Variants in RFX4 observed in about 807,000 individuals in gnomAD.
The protein encoded by RFX4 is transcription factor RFX4.
A neutral mutation model predicts 95.0 loss-of-function variants in RFX4; 10 were observed. The ratio of observed to expected loss-of-function variants is 0.11; its 90% CI spans 0.06 to 0.18. RFX4 has a LOEUF of 0.18. Among genes scored for constraint, RFX4 ranks in the 10% least tolerant of loss-of-function variants. The pLI, the probability that RFX4 is intolerant of heterozygous loss-of-function variation, is 1.00. For synonymous variants in RFX4, 321 were observed against 340.7 expected, an observed-to-expected ratio of 0.94 and a Z score of 0.64; for missense variants, 640 against 922.0, an observed-to-expected ratio of 0.69 and a Z score of 3.96.
At chr12:106,738,662 C>G (rs1374538556) in intron 15 of RFX4, among the ~76,000 whole-genome samples, 1 of 152,136 alleles carries the variant, frequency 6.6e-6, no homozygotes, top group African/African-American at 2.4e-5. Context: ...AAATGTCATC[C>G]TATATAAGAC....
intron 16 of RFX4, among the ~76,000 whole-genome samples, chr12:106,748,409 T>A (rs1035432707): frequency 6.6e-6 from 1 of 152,208 alleles, no homozygotes; most frequent in Non-Finnish European, 1.5e-5. Context: ...ATTCATGAGG[T>A]TCAGGGGATT....
At chr12:106,584,625 G>C (rs2039426378) in intron 1 of RFX4, among the ~76,000 whole-genome samples, 1 of 152,234 alleles carries the variant, frequency 6.6e-6, no homozygotes, top group South Asian at 2.1e-4. Context: ...TGGAAGTGGG[G>C]TGGGGGCTGG....
Position 106,586,178 on chromosome 12 carries a change from G to T in RFX4, c.43+2815G>T, listed in dbSNP as rs893839738. On this transcript the variant is annotated intron_variant, in intron 1 of 17. Transcript: ENST00000392842. The surrounding 1 kb of genome is among the most constrained non-coding windows in gnomAD (Gnocchi z 5.6). ...CGGTGCTCCGGCAGGAGGCAAAGGC[G>T]ACAGGCGCGCGCAGGGGCAGTCGAC... Among the ~76,000 whole-genome samples, 1 of 152,146 alleles carries T rather than the reference G, an allele frequency of 6.6e-6. No homozygotes were observed. The highest frequency in any genetic ancestry group is 2.1e-4 in the South Asian group (1 of 4,828).
chr12:106,601,259 G>A, intron 1 of RFX4: 2 of 1,579,180 alleles, frequency 1.3e-6, no homozygotes, highest in Non-Finnish European at 1.7e-6. Flanking sequence ...GAGAGAGACA[G>A]AAAGGGGCTG....
intron 4 of RFX4, among the ~76,000 whole-genome samples, chr12:106,669,839 G>GTGTGT (rs1565972599): frequency 0.09 from 12,873 of 143,150 alleles, 780 homozygotes; most frequent in South Asian, 0.13. Flanking sequence ...TTTTTCTAGG[G>GTGTGT]GTGTGTGTGT....
intron 8 of RFX4, among the ~76,000 whole-genome samples, chr12:106,697,738 C>T (rs904541516): frequency 9.2e-5 from 14 of 151,866 alleles, no homozygotes; most frequent in Non-Finnish European, 2.9e-5. Flanking sequence ...GCTTCCTGCT[C>T]TGTGTGTGTG....
At chr12:106,641,967 C>CTATCTATATCTATATCTA (rs57799769) in intron 3 of RFX4, among the ~76,000 whole-genome samples, 1,833 of 134,998 alleles carry the variant, frequency 0.014, 28 homozygotes, top group African/African-American at 0.019. Context: ...ATATCTATAT[C>CTATCTATATCTATATCTA]TATCTATATC....
chr12:106,751,427 T>C (rs1323072432), intron 17 of RFX4, among the ~76,000 whole-genome samples: 1 of 151,532 alleles, frequency 6.6e-6, no homozygotes, highest in East Asian at 1.9e-4. Context: ...AGCAGCATGA[T>C]TTATAGTCCT....
chr12:106,755,069 A>C (rs770124399), intron 17 of RFX4, among the ~76,000 whole-genome samples: 18 of 152,228 alleles, frequency 1.2e-4, no homozygotes, highest in Non-Finnish European at 2.6e-4. Context: ...TTAAATATAC[A>C]GACTCACTTA....
At chr12:106,716,642 A>T (rs1429798197) in intron 11 of RFX4, among the ~76,000 whole-genome samples, 1 of 152,140 alleles carries the variant, frequency 6.6e-6, no homozygotes, top group Non-Finnish European at 1.5e-5. Context: ...AACCTCACTC[A>T]GGCTGTTACT....
chr12:106,667,324 A>G (rs1007328669), intron 4 of RFX4, among the ~76,000 whole-genome samples: 1 of 152,188 alleles, frequency 6.6e-6, no homozygotes, highest in Non-Finnish European at 1.5e-5. Flanking sequence ...ATAATACCCC[A>G]GCAGATTAGG....
intron 2 of RFX4, among the ~76,000 whole-genome samples, chr12:106,636,348 C>A (rs1332387237): frequency 6.7e-6 from 1 of 149,356 alleles, no homozygotes; most frequent in African/African-American, 2.5e-5. Context: ...TGAGATCGTG[C>A]CATTGCACTC....
At chr12:106,596,573 C>T (rs1056191243) in intron 1 of RFX4, among the ~76,000 whole-genome samples, 1 of 152,210 alleles carries the variant, frequency 6.6e-6, no homozygotes, top group Non-Finnish European at 1.5e-5. Flanking sequence ...ATCATTCATT[C>T]CCATTGTACA....
intron 3 of RFX4, among the ~76,000 whole-genome samples, chr12:106,646,542 T>C (rs755602745): frequency 1.1e-4 from 16 of 150,400 alleles, no homozygotes; most frequent in Non-Finnish European, 2.2e-4. Flanking sequence ...ACTAATTCAG[T>C]AGGTTGTAGG....
chr12:106,628,224 G>A (rs1383000866), intron 2 of RFX4, among the ~76,000 whole-genome samples: 3 of 152,128 alleles, frequency 2.0e-5, no homozygotes, highest in Non-Finnish European at 2.9e-5. Context: ...GGGGAAGAAG[G>A]ACATACCGTT....
intron 8 of RFX4, among the ~76,000 whole-genome samples, chr12:106,699,864 G>A (rs1193966155): frequency 1.3e-5 from 2 of 151,906 alleles, no homozygotes; most frequent in Non-Finnish European, 2.9e-5. Flanking sequence ...TATGGTATGT[G>A]TAGATCTTTA....
chr12:106,716,032 C>T (rs540369057), intron 11 of RFX4, among the ~76,000 whole-genome samples: 4 of 152,092 alleles, frequency 2.6e-5, no homozygotes, highest in Admixed American at 6.5e-5. Flanking sequence ...ATGTTCATGT[C>T]CCGGTGAACA....
In RFX4 at chr12:106,660,707, G is replaced by A. The variant is rs150739909; in HGVS notation, c.315+6356G>A. Among the ~76,000 whole-genome samples the A allele has an allele frequency of 3.8e-3, 581 of 152,218 alleles. 5 individuals carry two copies. The highest frequency in any genetic ancestry group is 0.013 in the African/African-American group (524 of 41,558). On this transcript the variant is annotated intron_variant, in intron 4 of 17. Transcript: ENST00000392842. ...CTGGTACTAGTCTGTGGTCTGTTAG[G>A]AACTGGGCCACACAGCAGGAGGTGA...
At chr12:106,755,042 C>A (rs574009650) in intron 17 of RFX4, among the ~76,000 whole-genome samples, 1 of 152,230 alleles carries the variant, frequency 6.6e-6, no homozygotes, top group African/African-American at 2.4e-5. Flanking sequence ...TTATTCAGAG[C>A]ACTGTTCTAG....
Sources: allele counts gnomAD v4.1 joint callset (sites outside exome capture counted in the v4.1 genomes callset), GRCh38; gene constraint gnomAD v4.1.1; non-coding constraint Gnocchi (gnomAD v3.1); transcripts MANE v1.5; gene names NCBI Gene and HGNC (gene_info 2026-07-23, HGNC 2026-07-21).